Variants in LHFPL6 observed in about 807,000 individuals in gnomAD.
LHFPL6 encodes LHFPL tetraspan subfamily member 6.
LHFPL6 carries 9 observed loss-of-function variants against 20.6 expected under a neutral mutation model. The observed-to-expected ratio is 0.44, with a 90% confidence interval of 0.26 to 0.76. The LOEUF is 0.76. LHFPL6 is among the 30% of genes least tolerant of loss of function. The pLI, the probability that LHFPL6 is intolerant of heterozygous loss-of-function variation, is 0.20. For missense variants in LHFPL6, 218 were observed against 253.5 expected (o/e 0.86, Z 0.95); for synonymous variants, 105 against 98.7 (o/e 1.06, Z -0.38).
intron 2 of LHFPL6, among the ~76,000 whole-genome samples, chr13:39,407,154 T>C (rs1197963446): frequency 3.9e-5 from 6 of 152,218 alleles, no homozygotes; most frequent in Non-Finnish European, 5.9e-5. Context: ...TTCAAATTTA[T>C]TTGAGTTTCA....
chr13:39,522,151 A>G (rs963955494), intron 2 of LHFPL6, among the ~76,000 whole-genome samples: 2 of 152,194 alleles, frequency 1.3e-5, no homozygotes, highest in Non-Finnish European at 2.9e-5. Context: ...TCTCCTTAAC[A>G]AGCACTTAGC....
intron 2 of LHFPL6, among the ~76,000 whole-genome samples, chr13:39,506,135 A>T (rs548229530): frequency 1.3e-5 from 2 of 152,326 alleles, no homozygotes; most frequent in East Asian, 3.9e-4. Context: ...GATCTTTTAC[A>T]TTACTTCCTT....
chr13:39,435,935 C>A, intron 2 of LHFPL6, among the ~76,000 whole-genome samples: 1 of 151,948 alleles, frequency 6.6e-6, no homozygotes, highest in Non-Finnish European at 1.5e-5. Flanking sequence ...TCACAAAAAA[C>A]TGGAAAACAA....
chr13:39,585,560 T>A (rs1231341075), intron 2 of LHFPL6, among the ~76,000 whole-genome samples: 1 of 152,208 alleles, frequency 6.6e-6, no homozygotes, highest in Non-Finnish European at 1.5e-5. Flanking sequence ...AAGATCAATT[T>A]ACTACAGGTG....
At chr13:39,480,887 A>AG (rs1195067507) in intron 2 of LHFPL6, among the ~76,000 whole-genome samples, 1 of 152,162 alleles carries the variant, frequency 6.6e-6, no homozygotes, top group African/African-American at 2.4e-5. Flanking sequence ...ATATTGAAAA[A>AG]CTGGAGTTAA....
chr13:39,561,301 G>A (rs1048341522), intron 2 of LHFPL6, among the ~76,000 whole-genome samples: 6 of 152,094 alleles, frequency 3.9e-5, no homozygotes, highest in Non-Finnish European at 8.8e-5. Flanking sequence ...CGTGGCCCAT[G>A]GACCAGCAGC....
intron 2 of LHFPL6, among the ~76,000 whole-genome samples, chr13:39,585,073 A>AC (rs1030565553): frequency 8.5e-5 from 13 of 152,230 alleles, no homozygotes; most frequent in Admixed American, 2.6e-4. Context: ...ACCCCACAGC[A>AC]CCCCAATACA....
chr13:39,489,349 C>T (rs1868835315), intron 2 of LHFPL6, among the ~76,000 whole-genome samples: 2 of 152,126 alleles, frequency 1.3e-5, no homozygotes, highest in African/African-American at 4.8e-5. Flanking sequence ...GTTCCAGTCC[C>T]AGCACTGTTC....
At chr13:39,567,516 T>C (rs1349042495) in intron 2 of LHFPL6, among the ~76,000 whole-genome samples, 1 of 152,212 alleles carries the variant, frequency 6.6e-6, no homozygotes, top group Admixed American at 6.5e-5. Flanking sequence ...GAGGTCCAAA[T>C]GGTCAACTTT....
At chr13:39,562,147 G>A (rs1028336658) in intron 2 of LHFPL6, among the ~76,000 whole-genome samples, 12 of 152,018 alleles carry the variant, frequency 7.9e-5, no homozygotes, top group South Asian at 2.1e-4. Flanking sequence ...CTGCTTTCAT[G>A]TTCAGGAAGT....
intron 2 of LHFPL6, among the ~76,000 whole-genome samples, chr13:39,403,736 T>C (rs944733492): frequency 1.3e-5 from 2 of 152,212 alleles, no homozygotes; most frequent in African/African-American, 2.4e-5. Context: ...TGAAATTTCA[T>C]TAGGTGATGT....
chr13:39,437,697 A>T (rs1408623419), intron 2 of LHFPL6, among the ~76,000 whole-genome samples: 1 of 152,106 alleles, frequency 6.6e-6, no homozygotes, highest in African/African-American at 2.4e-5. Flanking sequence ...AGGTCAGGAG[A>T]TCAAACCATC....
intron 2 of LHFPL6, among the ~76,000 whole-genome samples, chr13:39,438,564 G>T (rs925900103): frequency 2.0e-5 from 3 of 152,238 alleles, no homozygotes; most frequent in African/African-American, 7.2e-5. Context: ...GGCCTTGAAG[G>T]CATTTCAGAG....
intron 2 of LHFPL6, among the ~76,000 whole-genome samples, chr13:39,558,105 T>G (rs988206542): frequency 6.6e-6 from 1 of 152,208 alleles, no homozygotes; most frequent in Non-Finnish European, 1.5e-5. Flanking sequence ...CATTTCTTAA[T>G]GTAATGCAAG....
chr13:39,437,112 T>C (rs1871978929), intron 2 of LHFPL6, among the ~76,000 whole-genome samples: 1 of 152,262 alleles, frequency 6.6e-6, no homozygotes, highest in South Asian at 2.1e-4. Flanking sequence ...GCTGTGCTTT[T>C]ATAATCATAT....
At chr13:39,513,791 A>C (rs946380497) in intron 2 of LHFPL6, among the ~76,000 whole-genome samples, 19 of 152,194 alleles carry the variant, frequency 1.2e-4, no homozygotes, top group Non-Finnish European at 2.1e-4. Flanking sequence ...GGCCTTTATG[A>C]TCCTACAACA....
chr13:39,538,501 A>G (rs1193655325), intron 2 of LHFPL6, among the ~76,000 whole-genome samples: 2 of 147,998 alleles, frequency 1.4e-5, no homozygotes, highest in Non-Finnish European at 3.0e-5. Flanking sequence ...GACACCACTC[A>G]AAAGCAATCA....
intron 2 of LHFPL6, among the ~76,000 whole-genome samples, chr13:39,409,920 G>C (rs1472522133): frequency 6.6e-6 from 1 of 152,182 alleles, no homozygotes; most frequent in African/African-American, 2.4e-5. Flanking sequence ...AATATGGCAA[G>C]ATCTCTAAGC....
chr13:39,479,677 G>T (rs1461100182), intron 2 of LHFPL6, among the ~76,000 whole-genome samples: 1 of 152,126 alleles, frequency 6.6e-6, no homozygotes, highest in African/African-American at 2.4e-5. Flanking sequence ...CTAAATGCTG[G>T]AAATATAATA....
Sources: allele counts gnomAD v4.1 joint callset (sites outside exome capture counted in the v4.1 genomes callset), GRCh38; gene constraint gnomAD v4.1.1; transcripts MANE v1.5; gene names NCBI Gene and HGNC (gene_info 2026-07-23, HGNC 2026-07-21).